Variants in PSMB9 observed in about 807,000 individuals in gnomAD.
PSMB9 encodes the protein proteasome 20S subunit beta 9, also known as proteasome subunit beta type-9.
PSMB9 carries 16 observed loss-of-function variants against 26.9 expected under a neutral mutation model. The ratio of observed to expected loss-of-function variants is 0.59; its 90% CI spans 0.40 to 0.90. PSMB9 has a LOEUF of 0.90. PSMB9 is among the 40% of genes least tolerant of loss of function. The pLI, the probability that PSMB9 is intolerant of heterozygous loss-of-function variation, is 0.00. For synonymous variants in PSMB9, 91 were observed against 112.0 expected (o/e 0.81, Z 1.18); for missense variants, 253 against 292.2 (o/e 0.87, Z 0.98).
intron 1 of PSMB9, 44 bp from the exon 2 acceptor site, chr6:32,856,094 A>G: frequency 6.4e-7 from 1 of 1,556,326 alleles, no homozygotes; most frequent in Non-Finnish European, 8.9e-7. Context: ...TGAGGGCATC[A>G]AGGCTGTTCT....
chr6:32,859,524 G>A lies in PSMB9; in HGVS notation c.652G>A (p.Asp218Asn). Residue 218 changes from aspartate (D) to asparagine (N), a missense_variant, in exon 6 of 6, where the codon GAT becomes AAT. Transcript: ENST00000374859. ...GGGCAATGAACTGCCAAAATTCTAT[G>A]ATGAGTGAACCTTCCCCAGACTTCT... ...ILGNELPKFY[D>N]E 2 of 1,613,608 alleles carry A rather than the reference G, an allele frequency of 1.2e-6. No homozygotes were observed. Among genetic ancestry groups the A allele is most frequent in the Middle Eastern group, 1.6e-4 (1 of 6,062 alleles).
In PSMB9 at chr6:32,859,438, G is replaced by A; in HGVS notation, c.566G>A (p.Ser189Asn). The change falls in exon 6 of 6, where the codon AGC (serine) becomes AAC (asparagine). Residue 189 changes from serine to asparagine, a missense_variant. Ser to Asn is a conservative substitution (Grantham distance 46, BLOSUM62 1). Coordinates refer to ENST00000374859, the MANE Select transcript of PSMB9 (RefSeq NM_002800.5). ...IALAMSRDGS[S>N]GGVIYLVTIT... ...CTGGCCATGAGCCGGGATGGCTCAA[G>A]CGGGGGTGTCATCTACCTGGTCACT... The A allele has an allele frequency of 6.2e-7, 1 of 1,613,584 alleles. No individual in the cohort carries two copies. The highest frequency in any genetic ancestry group is 8.5e-7 in the Non-Finnish European group (1 of 1,179,858).
chr6:32,855,994 G>A (rs56369927), intron 1 of PSMB9, 144 bp from the exon 2 acceptor site: 10,721 of 664,524 alleles, frequency 0.016, 358 homozygotes, highest in East Asian at 0.083. Flanking sequence ...GGGAAAAAAA[G>A]CCTGTACTGA....
At chr6:32,857,536 T>G in intron 3 of PSMB9, 142 bp downstream of exon 3, 1 of 1,070,282 alleles carries the variant, frequency 9.3e-7, no homozygotes, top group Non-Finnish European at 1.3e-6. Flanking sequence ...CTTGAATCTG[T>G]CAGTTTCTGC....
At chr6:32,857,433 G>C in intron 3 of PSMB9, 39 bp downstream of exon 3, 1 of 1,598,482 alleles carries the variant, frequency 6.3e-7, no homozygotes. Flanking sequence ...ACCCACTAGA[G>C]CTCCCCCAAC....
intron 3 of PSMB9, 131 bp downstream of exon 3, chr6:32,857,525 A>G: frequency 8.5e-7 from 1 of 1,174,056 alleles, no homozygotes; most frequent in Non-Finnish European, 1.1e-6. Context: ...TCTTGCTGGC[A>G]CTTGAATCTG....
intron 1 of PSMB9, 37 bp from the exon 2 acceptor site, chr6:32,856,101 T>C: frequency 1.9e-6 from 3 of 1,579,680 alleles, no homozygotes; most frequent in Non-Finnish European, 2.6e-6. Context: ...ATCAAGGCTG[T>C]TCTTGCCCTG....
chr6:32,857,693 C>A, intron 3 of PSMB9: 1 of 532,900 alleles, frequency 1.9e-6, no homozygotes, highest in Non-Finnish European at 3.3e-6. Context: ...ACCATAATAT[C>A]AGGCAGTTAC....
At position 32,858,357 on chromosome 6, in the gene PSMB9, T is replaced by C. The variant is rs2127399423; in HGVS notation, c.391-7T>C. 6.2e-7 allele frequency: 1 copy of C among 1,612,862 alleles called. No homozygotes were observed. The highest frequency in any genetic ancestry group is 8.5e-7 in the Non-Finnish European group (1 of 1,179,904). ...ATGATTCTTTAACCTGAGGATCCCT[T>C]TCCCAGGTATATGGAACCCTGGGAG... On this transcript the variant is annotated splice_polypyrimidine_tract_variant and splice_region_variant and intron_variant, in intron 4 of 5. Transcript: ENST00000374859. The surrounding 1 kb of genome is among the most constrained non-coding windows in gnomAD (Gnocchi z 5.2).
Position 32,857,258 on chromosome 6 carries a change from G to T in PSMB9, c.129-5G>T. Reference sequence around the variant, plus strand: ...ACTTGGTGACTGTTGACTCCCTCCTGACAGCGAGGCGGTGGTGAACCGAGT... The same window carrying T: ...ACTTGGTGACTGTTGACTCCCTCCTTACAGCGAGGCGGTGGTGAACCGAGT... On this transcript the variant is annotated splice_polypyrimidine_tract_variant and splice_region_variant and intron_variant, in intron 2 of 5. Transcript: ENST00000374859. The T allele has an allele frequency of 6.3e-7, 1 of 1,583,354 alleles. No homozygotes were observed. Among genetic ancestry groups the T allele is most frequent in the East Asian group, 2.3e-5 (1 of 43,342 alleles).
rs552098765 is a variant in PSMB9 at position 32,857,671 on chromosome 6, A to T, written c.260+277A>T. ...GATATAAATAATCAGGAAGAAGGTGATATTGTGACCCACCATAATATCAGG... is the reference window on the plus strand; with the variant it reads ...GATATAAATAATCAGGAAGAAGGTGTTATTGTGACCCACCATAATATCAGG... On this transcript the variant is annotated intron_variant, in intron 3 of 5. Coordinates refer to ENST00000374859, the MANE Select transcript of PSMB9 (RefSeq NM_002800.5). The T allele has an allele frequency of 1.4e-4, 75 of 530,186 alleles. 1 individual carries two copies. Among genetic ancestry groups the T allele is most frequent in the Non-Finnish European group, 2.3e-4 (71 of 303,144 alleles). 32.8% of individuals were successfully genotyped at this position (530,186 alleles called of 1,614,324 possible). A position where few individuals can be genotyped will look rare whatever the true frequency, so the allele number is the denominator to read the frequency against.
chr6:32,855,081 G>C (rs4713600), intron 1 of PSMB9, among the ~76,000 whole-genome samples: 1 of 151,936 alleles, frequency 6.6e-6, no homozygotes, highest in Non-Finnish European at 1.5e-5. Context: ...ATGATAAGTC[G>C]GTCCGTCGGA....
At chr6:32,857,659 A>T in intron 3 of PSMB9, 1 of 523,868 alleles carries the variant, frequency 1.9e-6, no homozygotes, top group Non-Finnish European at 3.3e-6. Context: ...ATAAATAATC[A>T]GGAAGAAGGT....
chr6:32,857,853 G>C (rs1771239062), intron 3 of PSMB9, 152 bp from the exon 4 acceptor site: 1 of 814,288 alleles, frequency 1.2e-6, no homozygotes, highest in Non-Finnish European at 1.9e-6. Flanking sequence ...GGTGGTGTGG[G>C]ACTCTGGTTC....
chr6:32,855,330 C>T (rs905320207), intron 1 of PSMB9, among the ~76,000 whole-genome samples: 1 of 152,174 alleles, frequency 6.6e-6, no homozygotes, highest in African/African-American at 2.4e-5. Flanking sequence ...TTGGTTTCCT[C>T]ATTTGAACCG....
chr6:32,859,002 T>G, intron 5 of PSMB9: 1 of 210,826 alleles, frequency 4.7e-6, no homozygotes, highest in Non-Finnish European at 9.2e-6. Context: ...TAGTGAGCGG[T>G]GATTGCACCA....
In PSMB9 at chr6:32,858,652, C is replaced by A; in HGVS notation, c.532+147C>A. On this transcript the variant is annotated intron_variant, in intron 5 of 5. Transcript: ENST00000374859. This position sits in a 1 kb window ranked among gnomAD's most constrained non-coding sequence, Gnocchi z 5.2. ...CTTTTAAGAGTGAAAAGGGGCAGGA[C>A]AAATGCAAAGCTCAATGGGGTTCTT... is the stretch of plus-strand genomic sequence containing the variant. 9.3e-7 allele frequency: 1 copy of A among 1,071,542 alleles called. No individual in the cohort carries two copies. The highest frequency in any genetic ancestry group is 1.4e-6 in the Non-Finnish European group (1 of 725,688). 66.4% of individuals were successfully genotyped at this position (1,071,542 alleles called of 1,614,324 possible).
Position 32,859,675 on chromosome 6 carries a change from T to C in PSMB9, c.*143T>C. 1.1e-6 allele frequency: 1 copy of C among 947,454 alleles called. No homozygotes were observed. The highest frequency in any genetic ancestry group is 1.7e-5 in the African/African-American group (1 of 60,304). The allele number at this position is 947,454 out of a possible 1,614,324, so 58.7% of individuals were successfully genotyped here. A position where few individuals can be genotyped will look rare whatever the true frequency, so the allele number is the denominator to read the frequency against. On this transcript the variant is annotated 3_prime_UTR_variant, in exon 6 of 6. Coordinates refer to ENST00000374859, the MANE Select transcript of PSMB9 (RefSeq NM_002800.5). Reference sequence around the variant, plus strand: ...CTCCTAGATGTCAGCATACACTCTTTCTTCTTTTGTCCCAGGTCTAAAACA... The same window carrying C: ...CTCCTAGATGTCAGCATACACTCTTCCTTCTTTTGTCCCAGGTCTAAAACA...
chr6:32,857,386 G>C lies in PSMB9; in HGVS notation c.252G>C (p.Glu84Asp). Residue 84 changes from glutamate to aspartate, a missense_variant, in exon 3 of 6, where the codon GAG (glutamate) becomes GAC (aspartate). Coordinates refer to ENST00000374859, the MANE Select transcript of PSMB9 (RefSeq NM_002800.5). The stretch of plus-strand genomic sequence containing the variant: ...CCGACATGGCCGCCTACCAGCTGGA[G>C]CTCCATGGGTATGAAGCTCTGGAGT... ...AVADMAAYQL[E>D]LHGIELEEPP... 6.2e-7 allele frequency: 1 copy of C among 1,612,292 alleles called. No individual in the cohort carries two copies. The highest frequency in any genetic ancestry group is 1.7e-5 in the Admixed American group (1 of 60,012).
Sources: allele counts gnomAD v4.1 joint callset (sites outside exome capture counted in the v4.1 genomes callset), GRCh38; gene constraint gnomAD v4.1.1; non-coding constraint Gnocchi (gnomAD v3.1); transcripts MANE v1.5; gene names NCBI Gene and HGNC (gene_info 2026-07-23, HGNC 2026-07-21).